Variants in DLG2 observed in about 807,000 individuals in gnomAD.
DLG2 encodes the protein discs large MAGUK scaffold protein 2, also known as disks large homolog 2.
Under a neutral mutation model 132.5 loss-of-function variants are expected in DLG2, and 45 were observed. The observed-to-expected ratio is 0.34, with a 90% CI of 0.27 to 0.44. The LOEUF is 0.44. Ranked by LOEUF, DLG2 falls within the 20% of genes least tolerant of loss-of-function variation. The probability of loss-of-function intolerance (pLI) is 1.00; values close to 1 mark genes in which losing one functional copy is unlikely to be tolerated. For synonymous variants in DLG2, 424 were observed against 419.6 expected, an observed-to-expected ratio of 1.01 and a Z score of -0.13; for missense variants, 1,045 against 1,196.9, an observed-to-expected ratio of 0.87 and a Z score of 1.87.
chr11:84,275,545 T>C lies in DLG2; in HGVS notation c.520-24254A>G, dbSNP rs546531447. 3.3e-5 allele frequency among the ~76,000 whole-genome samples: 5 copies of C among 152,264 alleles called. No individual in the cohort carries two copies. The East Asian group carries it at 5.8e-4, about 18-fold the overall frequency. On this transcript the variant is annotated intron_variant, in intron 7 of 27. Transcript: ENST00000376104. ...AATTGTTTTGTATTTTTAGTAGAGA[T>C]GGTGTTTCGCCATGTTAGCCAGGAT...
intron 18 of DLG2, among the ~76,000 whole-genome samples, chr11:83,752,032 G>A (rs1305683631): frequency 6.6e-6 from 1 of 152,192 alleles, no homozygotes; most frequent in Non-Finnish European, 1.5e-5. Flanking sequence ...ACTTCGGGAG[G>A]CCGAGGCAGG....
chr11:84,010,293 GTAT>G (rs71463190), intron 11 of DLG2, among the ~76,000 whole-genome samples: 188 of 147,552 alleles, frequency 1.3e-3, no homozygotes, highest in Admixed American at 6.5e-3. Context: ...CATTTTAATT[GTAT>G]TATTATTATT....
At chr11:84,401,324 TAC>T (rs1193069005) in intron 7 of DLG2, among the ~76,000 whole-genome samples, 2 of 152,178 alleles carry the variant, frequency 1.3e-5, no homozygotes, top group African/African-American at 4.8e-5. Flanking sequence ...AGTATTATTA[TAC>T]ACTTTTCACA....
intron 7 of DLG2, among the ~76,000 whole-genome samples, chr11:84,479,350 A>G (rs1332798474): frequency 6.6e-6 from 1 of 152,070 alleles, no homozygotes; most frequent in East Asian, 1.9e-4. Context: ...GGTGACGTGA[A>G]GGCTCTGTCT....
At chr11:85,499,091 C>T (rs2093734328) in intron 3 of DLG2, among the ~76,000 whole-genome samples, 1 of 152,100 alleles carries the variant, frequency 6.6e-6, no homozygotes, top group African/African-American at 2.4e-5. Flanking sequence ...CAAGAAACAA[C>T]TAAGATCAGA....
chr11:84,992,060 G>GCT (rs887396714), intron 6 of DLG2, among the ~76,000 whole-genome samples: 23 of 151,378 alleles, frequency 1.5e-4, no homozygotes, highest in African/African-American at 5.1e-4. Context: ...TCCACATGCT[G>GCT]CTCTCTCTCT....
intron 8 of DLG2, among the ~76,000 whole-genome samples, chr11:84,172,520 T>C (rs1325543423): frequency 1.7e-5 from 1 of 58,770 alleles, no homozygotes; most frequent in African/African-American, 5.0e-5. Flanking sequence ...TTTCCATTCT[T>C]ATTTATTTAT....
intron 15 of DLG2, among the ~76,000 whole-genome samples, chr11:83,907,346 A>G (rs776575144): frequency 5.3e-5 from 8 of 152,222 alleles, no homozygotes; most frequent in Admixed American, 6.5e-5. Flanking sequence ...ACTATTTAGT[A>G]TGATAGCAGA....
intron 6 of DLG2, chr11:84,923,310 T>C: frequency 7.0e-7 from 1 of 1,423,776 alleles, no homozygotes; most frequent in Non-Finnish European, 9.2e-7. Context: ...TCAAAATCTC[T>C]TCATTGGCTA....
chr11:84,859,524 C>A (rs916536817), intron 6 of DLG2, among the ~76,000 whole-genome samples: 2 of 148,116 alleles, frequency 1.4e-5, no homozygotes, highest in Non-Finnish European at 3.0e-5. Context: ...TTGAAAAAGT[C>A]AAAATATGTT....
At chr11:84,697,277 C>A (rs563252968) in intron 6 of DLG2, among the ~76,000 whole-genome samples, 21 of 151,508 alleles carry the variant, frequency 1.4e-4, no homozygotes, top group African/African-American at 4.8e-4. Context: ...AGTATAATCA[C>A]AAAGAATCTA....
chr11:84,502,346 CT>C (rs1195967853), intron 7 of DLG2, among the ~76,000 whole-genome samples: 2 of 45,134 alleles, frequency 4.4e-5, no homozygotes, highest in African/African-American at 1.4e-4. Flanking sequence ...TTCTTTCTTT[CT>C]TTCTTTCTTT....
intron 7 of DLG2, among the ~76,000 whole-genome samples, chr11:84,410,125 C>T (rs2098891764): frequency 6.6e-6 from 1 of 152,138 alleles, no homozygotes; most frequent in Admixed American, 6.5e-5. Context: ...TCATATGTTG[C>T]TTCTGGTAAT....
At chr11:84,221,428 C>T (rs975415607) in intron 8 of DLG2, among the ~76,000 whole-genome samples, 1 of 152,064 alleles carries the variant, frequency 6.6e-6, no homozygotes, top group Non-Finnish European at 1.5e-5. Context: ...CGCACCACTG[C>T]ACTCCAGTCT....
intron 6 of DLG2, among the ~76,000 whole-genome samples, chr11:84,583,439 G>GAGGA (rs1333281780): frequency 6.6e-6 from 1 of 152,212 alleles, no homozygotes; most frequent in African/African-American, 2.4e-5. Context: ...GAAATGAAGA[G>GAGGA]AGGAATTCTT....
At chr11:84,396,284 G>A (rs2098810712) in intron 7 of DLG2, among the ~76,000 whole-genome samples, 3 of 152,118 alleles carry the variant, frequency 2.0e-5, no homozygotes, top group Admixed American at 6.6e-5. Flanking sequence ...AGGTTTATAC[G>A]GGCTACATAG....
At chr11:84,440,569 C>T (rs1217279658) in intron 7 of DLG2, among the ~76,000 whole-genome samples, 2 of 152,154 alleles carry the variant, frequency 1.3e-5, no homozygotes, top group African/African-American at 4.8e-5. Flanking sequence ...CATTGCTCTG[C>T]TGATTGAGAT....
intron 9 of DLG2, among the ~76,000 whole-genome samples, chr11:84,114,196 C>T (rs1256498375): frequency 6.6e-6 from 1 of 151,792 alleles, no homozygotes; most frequent in Non-Finnish European, 1.5e-5. Context: ...ACGGTAAATA[C>T]TGTAGACAGA....
chr11:85,353,427 T>G (rs2083448612), intron 3 of DLG2, among the ~76,000 whole-genome samples: 2 of 152,192 alleles, frequency 1.3e-5, no homozygotes, highest in South Asian at 2.1e-4. Flanking sequence ...GAGGACAGTG[T>G]GGCAATTCCT....
Sources: allele counts gnomAD v4.1 joint callset (sites outside exome capture counted in the v4.1 genomes callset), GRCh38; gene constraint gnomAD v4.1.1; transcripts MANE v1.5; gene names NCBI Gene and HGNC (gene_info 2026-07-23, HGNC 2026-07-21).